MGAT3: variants seen among roughly 807,000 people sequenced by gnomAD.
MGAT3 encodes the protein beta-1,4-mannosyl-glycoprotein 4-beta-N-acetylglucosaminyltransferase.
In MGAT3, 9 loss-of-function variants were observed where a neutral mutation model predicts 29.8. The ratio of observed to expected loss-of-function variants is 0.30; its 90% CI spans 0.18 to 0.53. The LOEUF (loss-of-function observed/expected upper bound fraction) is 0.53. MGAT3 is among the 20% of genes least tolerant of loss of function. The pLI is 0.96. For synonymous variants in MGAT3, 397 were observed against 348.9 expected (o/e 1.14, Z -1.54); for missense variants, 557 against 769.5 (o/e 0.72, Z 3.27).
chr22:39,464,125 C>T (rs2008174), intron 1 of MGAT3, among the ~76,000 whole-genome samples: 121,150 of 151,930 alleles, frequency 0.8, 49,091 homozygotes, highest in East Asian at 1. Context: ...CCTGCCCCAC[C>T]GCCCCCGCCA....
rs73885224 is a variant in MGAT3 at position 39,463,047 on chromosome 22, G to A, written c.-2+5490G>A. 3.9e-3 allele frequency among the ~76,000 whole-genome samples: 598 copies of A among 152,234 alleles called. 2 individuals carry two copies. Among genetic ancestry groups the A allele is most frequent in the African/African-American group, 0.014 (588 of 41,540 alleles). ...GACAGGGTTCTAAGTGAGGGAGGCC[G>A]GCCCGAGTGGGTTCTGGGACTCTGG... On this transcript the variant is annotated intron_variant, in intron 1 of 1. Transcript: ENST00000341184.
At chr22:39,468,722 G>C (rs1047446383) in intron 1 of MGAT3, among the ~76,000 whole-genome samples, 18 of 152,068 alleles carry the variant, frequency 1.2e-4, no homozygotes, top group Admixed American at 1.0e-3. Context: ...CAAACTCAGG[G>C]TGAGCACCTT....
chr22:39,480,632 A>G (rs889986960), intron 1 of MGAT3, among the ~76,000 whole-genome samples: 27 of 151,706 alleles, frequency 1.8e-4, no homozygotes, highest in Non-Finnish European at 3.1e-4. Flanking sequence ...AGGTTAGCCC[A>G]GGACCTGCTG....
In MGAT3 at chr22:39,457,245, C is replaced by T. The variant is rs1314429217; in HGVS notation, c.-314C>T. The T allele has an allele frequency of 1.4e-5, 2 of 145,552 alleles. No individual in the cohort carries two copies. Among genetic ancestry groups the T allele is most frequent in the African/African-American group, 2.5e-5 (1 of 40,616 alleles). The allele number at this position is 145,552 out of a possible 1,614,324, so 9.0% of individuals were successfully genotyped here. On this transcript the variant is annotated 5_prime_UTR_variant, in exon 1 of 2. Transcript: ENST00000341184. This position sits in a 1 kb window ranked among gnomAD's most constrained non-coding sequence, Gnocchi z 6.8. ...CGCGCTCGGCCTCGCCTCCGCGCCC[C>T]CCGCGCGCCCGCCGCGGTCCCTCCC...
At chr22:39,486,576 C>G (rs1929278748) in intron 1 of MGAT3, among the ~76,000 whole-genome samples, 1 of 152,226 alleles carries the variant, frequency 6.6e-6, no homozygotes, top group Non-Finnish European at 1.5e-5. Context: ...TCATGGCTCA[C>G]TGCAGCCTCA....
In MGAT3 at chr22:39,488,190, C is replaced by T. The variant is rs745328382; in HGVS notation, c.843C>T (p.Gly281=). The T allele has an allele frequency of 1.9e-6, 3 of 1,612,792 alleles. No homozygotes were observed. The highest frequency in any genetic ancestry group is 1.3e-5 in the African/African-American group (1 of 74,914). The change falls in exon 2 of 2, where the codon GGC becomes GGT. Residue 281 remains glycine (G), a synonymous_variant. Transcript: ENST00000341184. ...YVFLDHFPPG[G]RQDGWIADDY... is the part of the protein sequence containing the mutation. ...TCCTGGACCACTTCCCGCCCGGCGG[C>T]CGGCAGGACGGCTGGATCGCCGACG...
At chr22:39,481,265 G>A (rs921511103) in intron 1 of MGAT3, among the ~76,000 whole-genome samples, 3 of 152,122 alleles carry the variant, frequency 2.0e-5, no homozygotes, top group African/African-American at 4.8e-5. Flanking sequence ...GTCTGCTCAC[G>A]TCGCCTCCTC....
chr22:39,462,172 T>G (rs891379677), intron 1 of MGAT3, among the ~76,000 whole-genome samples: 3 of 152,082 alleles, frequency 2.0e-5, no homozygotes, highest in African/African-American at 7.2e-5. Flanking sequence ...GTGCTGGGAT[T>G]ACAGGCCTGA....
At chr22:39,467,309 G>A (rs1928676219) in intron 1 of MGAT3, among the ~76,000 whole-genome samples, 1 of 152,152 alleles carries the variant, frequency 6.6e-6, no homozygotes, top group African/African-American at 2.4e-5. Context: ...AGGGGGTTGG[G>A]GCAGCATCCT....
At chr22:39,479,696 C>T (rs932627258) in intron 1 of MGAT3, among the ~76,000 whole-genome samples, 6 of 152,218 alleles carry the variant, frequency 3.9e-5, no homozygotes, top group Admixed American at 1.3e-4. Flanking sequence ...GGCATCTCAT[C>T]GATGGGAAAA....
chr22:39,473,762 G>A (rs1394707748), intron 1 of MGAT3, among the ~76,000 whole-genome samples: 1 of 145,742 alleles, frequency 6.9e-6, no homozygotes, highest in African/African-American at 2.5e-5. Flanking sequence ...TCGCTTGCTT[G>A]TCTCCAAGTT....
At chr22:39,476,952 CG>C (rs1928983105) in intron 1 of MGAT3, 1 of 152,070 alleles carries the variant, frequency 6.6e-6, no homozygotes, top group Admixed American at 6.6e-5. Flanking sequence ...TCAGTCTCGC[CG>C]GGACTCCAGG....
At chr22:39,464,150 C>T (rs1254571001) in intron 1 of MGAT3, among the ~76,000 whole-genome samples, 3 of 152,200 alleles carry the variant, frequency 2.0e-5, no homozygotes, top group African/African-American at 7.2e-5. Flanking sequence ...GTCATCCTAG[C>T]ACTTGCTGCC....
chr22:39,473,061 G>A (rs1219679895), intron 1 of MGAT3, among the ~76,000 whole-genome samples: 4 of 152,164 alleles, frequency 2.6e-5, no homozygotes, highest in African/African-American at 9.7e-5. Context: ...TCTCCTCTGT[G>A]AAATAGCAGT....
rs1218928433 is a variant in MGAT3 at position 39,457,322 on chromosome 22, G to A, written c.-237G>A. 4.2e-5 allele frequency: 6 copies of A among 142,196 alleles called. 1 individual carries two copies. The highest frequency in any genetic ancestry group is 1.5e-4 in the African/African-American group (6 of 39,822). 8.8% of individuals were successfully genotyped at this position (142,196 alleles called of 1,614,324 possible). The stretch of plus-strand genomic sequence containing the variant: ...CGCCGCCGCCCCGGGGTGCAGCCGA[G>A]CGGCCGCGCCGGGTCCCCGGGACGG... On this transcript the variant is annotated 5_prime_UTR_variant, in exon 1 of 2. Transcript: ENST00000341184. This position sits in a 1 kb window ranked among gnomAD's most constrained non-coding sequence, Gnocchi z 6.8.
chr22:39,472,303 C>G (rs376322066), intron 1 of MGAT3, among the ~76,000 whole-genome samples: 1 of 152,184 alleles, frequency 6.6e-6, no homozygotes, highest in Admixed American at 6.5e-5. Context: ...CCCTGACCCC[C>G]GCCCTGTCCC....
chr22:39,463,717 G>A (rs1928559571), intron 1 of MGAT3, among the ~76,000 whole-genome samples: 1 of 151,964 alleles, frequency 6.6e-6, no homozygotes, highest in Non-Finnish European at 1.5e-5. Context: ...TCCGAGACCA[G>A]CCTGGGCAAC....
At chr22:39,467,285 A>G (rs1928675302) in intron 1 of MGAT3, among the ~76,000 whole-genome samples, 1 of 152,058 alleles carries the variant, frequency 6.6e-6, no homozygotes, top group Admixed American at 6.5e-5. Flanking sequence ...GAGCTGGTGC[A>G]GAGGGTGAAG....
At chr22:39,458,749 G>A (rs1015561274) in intron 1 of MGAT3, among the ~76,000 whole-genome samples, 1 of 152,196 alleles carries the variant, frequency 6.6e-6, no homozygotes, top group South Asian at 2.1e-4. Context: ...TGTGGGCCAA[G>A]GGAATGGCAT....
Sources: gnomAD v4.1 joint callset for allele counts (sites outside exome capture counted in the v4.1 genomes callset) on GRCh38, gnomAD v4.1.1 for gene constraint, Gnocchi (gnomAD v3.1) non-coding constraint, MANE v1.5 for transcripts, NCBI Gene and HGNC (gene_info 2026-07-23, HGNC 2026-07-21) for gene names.